Variants in PPP2R5C observed in about 807,000 individuals in gnomAD.
PPP2R5C encodes the protein protein phosphatase 2 regulatory subunit B'gamma.
In PPP2R5C, 7 loss-of-function variants were observed where a neutral mutation model predicts 68.9. That is an observed-to-expected ratio of 0.10 (90% CI 0.06 to 0.19). The LOEUF (loss-of-function observed/expected upper bound fraction) is 0.19. Ranked by LOEUF, PPP2R5C falls within the 10% of genes least tolerant of loss-of-function variation. The probability of loss-of-function intolerance (pLI) is 1.00; values close to 1 mark genes in which losing one functional copy is unlikely to be tolerated. For synonymous variants in PPP2R5C, 210 were observed against 222.2 expected, an observed-to-expected ratio of 0.95 and a Z score of 0.49; for missense variants, 348 against 641.3, an observed-to-expected ratio of 0.54 and a Z score of 4.94.
In PPP2R5C at chr14:101,882,340, G is replaced by A; in HGVS notation, c.405+69G>A. The stretch of plus-strand genomic sequence containing the variant: ...ATGGGAATGGCCTGGGATCCACAGA[G>A]CGGGCGCACTGGTCTGGCCAGATGG... On this transcript the variant is annotated intron_variant, in intron 3 of 13. Coordinates refer to ENST00000334743, the Ensembl canonical transcript of PPP2R5C. This position sits in a 1 kb window ranked among gnomAD's most constrained non-coding sequence, Gnocchi z 4.9. The A allele has an allele frequency of 2.4e-6, 3 of 1,265,336 alleles. No homozygotes were observed. The highest frequency in any genetic ancestry group is 3.3e-6 in the Non-Finnish European group (3 of 899,920). The allele number at this position is 1,265,336 out of a possible 1,614,324, so 78.4% of individuals were successfully genotyped here.
chr14:101,816,966 T>A (rs2476520), intron 1 of PPP2R5C, among the ~76,000 whole-genome samples: 40,500 of 137,670 alleles, frequency 0.29, 6,343 homozygotes, highest in African/African-American at 0.42. Flanking sequence ...GTATATATAT[T>A]TTTTTTTTTT....
chr14:101,892,662 C>G (rs1039049552), intron 6 of PPP2R5C, among the ~76,000 whole-genome samples: 2 of 152,170 alleles, frequency 1.3e-5, no homozygotes, highest in Admixed American at 1.3e-4. Flanking sequence ...AGGAAGAATC[C>G]TCGGATTTCC....
chr14:101,918,097 G>T, intron 13 of PPP2R5C, 150 bp downstream of exon 15: 2 of 1,104,914 alleles, frequency 1.8e-6, no homozygotes, highest in African/African-American at 4.2e-5. Context: ...ACATTGTATC[G>T]ATAGATCTTA....
chr14:101,761,687 TGCCGCCGCC>T (rs1172580916), upstream of PPP2R5C: 60 of 224,404 alleles, frequency 2.7e-4, no homozygotes, highest in East Asian at 6.2e-4. Context: ...ACGCCGCCGC[TGCCGCCGCC>T]GCCGCCGCCG....
In PPP2R5C at chr14:101,891,625, G is replaced by A. The variant is rs558045842; in HGVS notation, c.689+1329G>A. ...GGGCCCCCGTGTGCATAGGGCCGCC[G>A]GGCAGCTCCCGCCGAGAGGCTGATT... On this transcript the variant is annotated intron_variant, in intron 6 of 13. Coordinates refer to ENST00000334743, the Ensembl canonical transcript of PPP2R5C. This position sits in a 1 kb window ranked among gnomAD's most constrained non-coding sequence, Gnocchi z 4.9. Among the ~76,000 whole-genome samples the A allele has an allele frequency of 4.6e-5, 7 of 152,218 alleles. No individual in the cohort carries two copies. Among genetic ancestry groups the A allele is most frequent in the African/African-American group, 1.7e-4 (7 of 41,548 alleles).
At chr14:101,914,278 C>T in intron 12 of PPP2R5C, 1 of 442,976 alleles carries the variant, frequency 2.3e-6, no homozygotes, top group South Asian at 1.6e-5. Flanking sequence ...ACGCAGTCCC[C>T]ATGAGTCTCG....
At chr14:101,804,905 T>C (rs2039015306), upstream of PPP2R5C, among the ~76,000 whole-genome samples, 2 of 152,224 alleles carry the variant, frequency 1.3e-5, no homozygotes, top group South Asian at 2.1e-4. Flanking sequence ...CTTGAGGGGA[T>C]GAATACCCCA....
chr14:101,839,884 G>A lies in PPP2R5C; in HGVS notation c.95-16802G>A, dbSNP rs375962975. Among the ~76,000 whole-genome samples, 32 of 152,282 alleles carry A rather than the reference G, an allele frequency of 2.1e-4. 1 individual carries two copies. The South Asian group carries it at 6.2e-3, about 30-fold the overall frequency. On this transcript the variant is annotated intron_variant, in intron 1 of 13. Transcript: ENST00000334743. ...AAGCCTGGCTCTCAGTGGTGCGCTC[G>A]TCCGCACACACTCGGAGATGCCAGC...
At chr14:101,809,421 G>T (rs1427015542), upstream of PPP2R5C, among the ~76,000 whole-genome samples, 2 of 151,600 alleles carry the variant, frequency 1.3e-5, no homozygotes, top group Non-Finnish European at 2.9e-5. Flanking sequence ...AAAAACACTG[G>T]GTTGCCAGAA....
chr14:101,911,468 G>T (rs2046387428), intron 11 of PPP2R5C, among the ~76,000 whole-genome samples: 1 of 152,234 alleles, frequency 6.6e-6, no homozygotes, highest in Non-Finnish European at 1.5e-5. Flanking sequence ...TCTCAGTGCA[G>T]TTCGCAGGTA....
chr14:101,914,744 G>C (rs945173786), intron 12 of PPP2R5C, among the ~76,000 whole-genome samples: 30 of 152,148 alleles, frequency 2.0e-4, no homozygotes, highest in Non-Finnish European at 4.1e-4. Context: ...AACTTTATTG[G>C]GGTTTTTAAT....
At chr14:101,859,748 T>C (rs1477612719) in intron 2 of PPP2R5C, among the ~76,000 whole-genome samples, 1 of 152,190 alleles carries the variant, frequency 6.6e-6, no homozygotes, top group African/African-American at 2.4e-5. Flanking sequence ...AGCAAAAGCC[T>C]GGGCCTCTTT....
chr14:101,772,791 G>A (rs966159086), intron 2 of PPP2R5C, among the ~76,000 whole-genome samples: 5 of 152,062 alleles, frequency 3.3e-5, no homozygotes, highest in African/African-American at 4.8e-5. Context: ...ATGCAACTCC[G>A]CCTCAAAAAA....
Position 101,917,047 on chromosome 14 carries a change from C to G in PPP2R5C, c.1327-784C>G, listed in dbSNP as rs2046710122. Among the ~76,000 whole-genome samples the G allele has an allele frequency of 6.6e-6, 1 of 152,074 alleles. No individual in the cohort carries two copies. Among genetic ancestry groups the G allele is most frequent in the Non-Finnish European group, 1.5e-5 (1 of 68,034 alleles). ...CCTTCGCCTGTGCCCTCAGAGCCAG[C>G]AGACGCTCGTCACAGTCATACTGTC... On this transcript the variant is annotated intron_variant, in intron 12 of 13. Transcript: ENST00000334743. This position sits in a 1 kb window ranked among gnomAD's most constrained non-coding sequence, Gnocchi z 4.4.
chr14:101,762,348 G>T (rs115495432), intron 1 of PPP2R5C, among the ~76,000 whole-genome samples: 1,554 of 152,262 alleles, frequency 0.01, 29 homozygotes, highest in African/African-American at 0.035. Context: ...CCTGGGGAGG[G>T]ACCCCTGTAC....
chr14:101,918,526 A>C (rs1595558252), intron 13 of PPP2R5C, among the ~76,000 whole-genome samples: 2 of 10,344 alleles, frequency 1.9e-4, no homozygotes, highest in Non-Finnish European at 3.9e-4. Flanking sequence ...CGCCCCCCTC[A>C]TCCCCCTCGC....
chr14:101,811,428 C>T (rs2039354648), intron 1 of PPP2R5C, among the ~76,000 whole-genome samples: 1 of 152,174 alleles, frequency 6.6e-6, no homozygotes, highest in African/African-American at 2.4e-5. Flanking sequence ...GCAGCCTCCA[C>T]CTCCCGAGCT....
chr14:101,908,231 C>T (rs1204646538), intron 10 of PPP2R5C, among the ~76,000 whole-genome samples: 1 of 152,214 alleles, frequency 6.6e-6, no homozygotes, highest in East Asian at 1.9e-4. Context: ...TTTGCTGTCA[C>T]TTAGTGGTTG....
At chr14:101,768,826 T>A (rs897004634) in intron 2 of PPP2R5C, among the ~76,000 whole-genome samples, 1 of 95,864 alleles carries the variant, frequency 1.0e-5, no homozygotes, top group Non-Finnish European at 2.0e-5. Context: ...TCCTTTCATC[T>A]TTTTTTTTTT....
Sources: gnomAD v4.1 joint callset for allele counts (sites outside exome capture counted in the v4.1 genomes callset) on GRCh38, gnomAD v4.1.1 for gene constraint, Gnocchi (gnomAD v3.1) non-coding constraint, MANE v1.5 for transcripts, NCBI Gene and HGNC (gene_info 2026-07-23, HGNC 2026-07-21) for gene names.